Variants in HERC1 observed in about 807,000 individuals in gnomAD.
The protein encoded by HERC1 is probable E3 ubiquitin-protein ligase HERC1.
In HERC1, 160 loss-of-function variants were observed where a neutral mutation model predicts 554.3. That is an observed-to-expected ratio of 0.29 (90% CI 0.25 to 0.33). The LOEUF is 0.33. Among genes scored for constraint, HERC1 ranks in the 10% least tolerant of loss-of-function variants. The pLI is 1.00. For missense variants in HERC1, 4,919 were observed against 5,918.5 expected, an observed-to-expected ratio of 0.83 and a Z score of 5.54; for synonymous variants, 2,175 against 2,131.7, an observed-to-expected ratio of 1.02 and a Z score of -0.56.
chr15:63,808,419 C>T (rs537701332), intron 1 of HERC1, among the ~76,000 whole-genome samples: 3 of 152,184 alleles, frequency 2.0e-5, no homozygotes, highest in Non-Finnish European at 4.4e-5. Context: ...TCCTGAGTAG[C>T]TAGGACTACA....
At chr15:63,795,250 CTTGCCT>C (rs2076778995) in intron 1 of HERC1, among the ~76,000 whole-genome samples, 1 of 151,904 alleles carries the variant, frequency 6.6e-6, no homozygotes, top group African/African-American at 2.4e-5. Flanking sequence ...GTTACTAAAG[CTTGCCT>C]TTTTCAATGG....
chr15:63,650,335 C>G (rs189955854), intron 53 of HERC1, among the ~76,000 whole-genome samples: 1 of 152,052 alleles, frequency 6.6e-6, no homozygotes, highest in Non-Finnish European at 1.5e-5. Context: ...GATCACGCCA[C>G]TGCACTCCAG....
intron 1 of HERC1, among the ~76,000 whole-genome samples, chr15:63,812,793 AC>A (rs1342227232): frequency 1.3e-5 from 2 of 152,166 alleles, no homozygotes; most frequent in Non-Finnish European, 2.9e-5. Flanking sequence ...AAAATAATAA[AC>A]GAAAAAATTA....
rs139702436 is a variant in HERC1, at chr15:63,683,059, C to T, written c.6226-2283G>A. On this transcript the variant is annotated intron_variant, in intron 34 of 77. Coordinates refer to ENST00000443617, the MANE Select transcript of HERC1 (RefSeq NM_003922.4). ...GCTGAGGCGGGAGAATCCCTTGAAA[C>T]TGGCAGGTGGAGGTTGCAGGGAGCC... Among the ~76,000 whole-genome samples the T allele has an allele frequency of 4.7e-3, 699 of 148,806 alleles. 10 individuals carry two copies. Among genetic ancestry groups the T allele is most frequent in the African/African-American group, 0.017 (671 of 40,492 alleles).
chr15:63,637,449 C>A, intron 64 of HERC1, 56 bp downstream of exon 64: 7 of 1,458,186 alleles, frequency 4.8e-6, no homozygotes, highest in Non-Finnish European at 5.6e-6. Context: ...GTTTGTACGA[C>A]CAAACCTACA....
At position 63,612,324 on chromosome 15, in the gene HERC1, A is replaced by G. The variant is rs1226520373; in HGVS notation, c.14327T>C (p.Val4776Ala). ...NEERVLFMRF[V>A]SGRSRLPANT... ...GGCTGGTAGTCGAGATCTTCCTGAC[A>G]CAAACCTCATGAAAAGCACCCGCTC... Residue 4776 changes from valine (V) to alanine (A), a missense_variant, in exon 77 of 78, where the codon GTG (valine) becomes GCG (alanine). Physicochemically the swap from Val to Ala is moderately conservative, Grantham distance 64 (BLOSUM62 0). This residue lies in a region of HERC1 where 5 missense variants were observed against 16.1 expected (regional missense o/e 0.31). Transcript: ENST00000443617. This position sits in a 1 kb window ranked among gnomAD's most constrained non-coding sequence, Gnocchi z 5.0. 1.9e-6 allele frequency: 3 copies of G among 1,614,028 alleles called. No homozygotes were observed. Among genetic ancestry groups the G allele is most frequent in the South Asian group, 1.1e-5 (1 of 91,084 alleles).
intron 2 of HERC1, among the ~76,000 whole-genome samples, chr15:63,773,301 G>A (rs988796832): frequency 1.3e-4 from 20 of 151,572 alleles, no homozygotes; most frequent in Non-Finnish European, 2.1e-4. Flanking sequence ...AAAATTAGCC[G>A]GGCATGCTAG....
chr15:63,807,247 C>CTCTG (rs2077166698), intron 1 of HERC1, among the ~76,000 whole-genome samples: 1 of 152,184 alleles, frequency 6.6e-6, no homozygotes, highest in Non-Finnish European at 1.5e-5. Context: ...TGAGGCTGTC[C>CTCTG]TCTGGCATTA....
In HERC1 at chr15:63,718,852, A is replaced by G; in HGVS notation, c.3788T>C (p.Val1263Ala). ...AAGAGCTGCAAGAACAAATCTAGAC[A>G]CAGTGTCCAAGAGTGACTCATTACT... ...TLSNESLLDT[V>A]SRFVLAALLK... is the part of the protein sequence containing the mutation. Residue 1263 changes from valine to alanine, a missense_variant, in exon 20 of 78, where the codon GTG becomes GCG. By Grantham distance (64) the Val-to-Ala change is moderately conservative. Coordinates refer to ENST00000443617, the MANE Select transcript of HERC1 (RefSeq NM_003922.4). This position sits in a 1 kb window ranked among gnomAD's most constrained non-coding sequence, Gnocchi z 4.2. 1 of 1,613,686 alleles carries G rather than the reference A, an allele frequency of 6.2e-7. No individual in the cohort carries two copies.
intron 77 of HERC1, among the ~76,000 whole-genome samples, chr15:63,610,623 A>G (rs1566935724): frequency 6.6e-6 from 1 of 152,254 alleles, no homozygotes; most frequent in Non-Finnish European, 1.5e-5. Flanking sequence ...AGGCTCTTTT[A>G]TAATCCTTCC....
intron 70 of HERC1, among the ~76,000 whole-genome samples, chr15:63,626,623 CAG>C (rs1221269423): frequency 6.6e-6 from 1 of 152,178 alleles, no homozygotes; most frequent in African/African-American, 2.4e-5. Flanking sequence ...GTATTCATGA[CAG>C]AAACATATAG....
At chr15:63,642,897 A>G in intron 59 of HERC1, 60 bp downstream of exon 59, 1 of 1,013,646 alleles carries the variant, frequency 9.9e-7, no homozygotes, top group South Asian at 1.3e-5. Context: ...TGGTTAGACT[A>G]TGATTTCTAA....
At position 63,615,892 on chromosome 15, in the gene HERC1, T is replaced by C; in HGVS notation, c.13970A>G (p.Gln4657Arg). Residue 4657 changes from glutamine to arginine, a missense_variant, in exon 76 of 78, where the codon CAG becomes CGG. Gln to Arg is a conservative substitution (Grantham distance 43). This residue lies in a region of HERC1 where 284 missense variants were observed against 294.1 expected (regional missense o/e 0.97). Transcript: ENST00000443617. The stretch of plus-strand genomic sequence containing the variant: ...AGGAACCATTTTGCCATCAGCACTC[T>C]GGCCAACAAAAGAATCAAGAGGAAT... Reference protein sequence around the residue: ...EMIPLDSFVGQSADGKMVPII... With the variant: ...EMIPLDSFVGRSADGKMVPII... 1 of 1,598,638 alleles carries C rather than the reference T, an allele frequency of 6.3e-7. No homozygotes were observed. Among genetic ancestry groups the C allele is most frequent in the Non-Finnish European group, 8.5e-7 (1 of 1,174,262 alleles).
chr15:63,749,047 T>C lies in HERC1; in HGVS notation c.2219+320A>G, dbSNP rs1412438162. Among the ~76,000 whole-genome samples, 1 of 152,216 alleles carries C rather than the reference T, an allele frequency of 6.6e-6. No homozygotes were observed. Among genetic ancestry groups the C allele is most frequent in the Non-Finnish European group, 1.5e-5 (1 of 68,030 alleles). On this transcript the variant is annotated intron_variant, in intron 10 of 77. Coordinates refer to ENST00000443617, the MANE Select transcript of HERC1 (RefSeq NM_003922.4). The surrounding 1 kb of genome is among the most constrained non-coding windows in gnomAD (Gnocchi z 4.1). ...CAATAAAGCCTAGTTCTGATTTTAA[T>C]TATTTTAATTTCCTCTTGATATGCA...
Position 63,678,045 on chromosome 15 carries a change from G to A in HERC1, c.6870C>T (p.Asp2290=). 1 of 1,613,976 alleles carries A rather than the reference G, an allele frequency of 6.2e-7. No individual in the cohort carries two copies. The highest frequency in any genetic ancestry group is 8.5e-7 in the Non-Finnish European group (1 of 1,179,894). Residue 2290 remains aspartate (D), a synonymous_variant, in exon 37 of 78, where the codon GAC becomes GAT. Coordinates refer to ENST00000443617, the MANE Select transcript of HERC1 (RefSeq NM_003922.4). ...GAGTCCTCAGCTGCAGCTCTGAGAG[G>A]TCAGCGAGGCCATGCCTAGTATGTT... is the stretch of plus-strand genomic sequence containing the variant. The part of the protein sequence containing the change: ...KGKHTRHGLA[D]LSELQLRTLC...
intron 1 of HERC1, among the ~76,000 whole-genome samples, chr15:63,785,878 T>C (rs1021762974): frequency 6.6e-6 from 1 of 152,170 alleles, no homozygotes; most frequent in East Asian, 1.9e-4. Context: ...TATTCTTCTT[T>C]TTCTTTTTTA....
chr15:63,833,737 GCACACA>G (rs1415485362), intron 1 of HERC1, 84 bp downstream of exon 1: 1 of 96,946 alleles, frequency 1.0e-5, no homozygotes, highest in Non-Finnish European at 2.2e-5. Context: ...GGCCGGCAAA[GCACACA>G]CGCGCGCGCG....
At chr15:63,628,145 C>A (rs1056843123) in intron 70 of HERC1, among the ~76,000 whole-genome samples, 5 of 152,130 alleles carry the variant, frequency 3.3e-5, no homozygotes, top group African/African-American at 1.2e-4. Context: ...AATCCTAACA[C>A]TTTGGGAGGC....
rs1323092938 is a variant in HERC1, at chr15:63,764,157, G to A, written c.965C>T (p.Pro322Leu). ...GCACAAGCCATCCGATGTTCTGGTT[G>A]GTTCTCTCCACTGACTCCGATCAGC... The part of the protein sequence containing the change: ...SSADRSQWRE[P>L]TRTSDGLCSL... Residue 322 changes from proline to leucine, a missense_variant, in exon 3 of 78, where the codon CCA becomes CTA. Physicochemically the swap from Pro to Leu is moderately conservative, Grantham distance 98. Coordinates refer to ENST00000443617, the MANE Select transcript of HERC1 (RefSeq NM_003922.4). The A allele has an allele frequency of 6.2e-7, 1 of 1,611,132 alleles. No homozygotes were observed. Among genetic ancestry groups the A allele is most frequent in the East Asian group, 2.2e-5 (1 of 44,850 alleles).
Sources: allele counts gnomAD v4.1 joint callset (sites outside exome capture counted in the v4.1 genomes callset), GRCh38; gene constraint gnomAD v4.1.1; regional missense constraint gnomAD v4.1.1; non-coding constraint Gnocchi (gnomAD v3.1); transcripts MANE v1.5; gene names NCBI Gene and HGNC (gene_info 2026-07-23, HGNC 2026-07-21).